The following NEK11 variants were observed in gnomAD, a reference collection of about 807,000 sequenced individuals.
NEK11 encodes NIMA related kinase 11.
NEK11 carries 72 observed loss-of-function variants against 80.7 expected under a neutral mutation model. The observed-to-expected ratio is 0.89, with a 90% CI of 0.74 to 1.08. The LOEUF is 1.08. Among genes scored for constraint, NEK11 ranks in the 50% least tolerant of loss-of-function variants. The pLI is 0.00. For missense variants in NEK11, 764 were observed against 763.6 expected, an observed-to-expected ratio of 1.00 and a Z score of -0.01; for synonymous variants, 251 against 260.7, an observed-to-expected ratio of 0.96 and a Z score of 0.36.
chr3:131,315,142 A>C (rs906166537), intron 17 of NEK11, among the ~76,000 whole-genome samples: 4 of 152,276 alleles, frequency 2.6e-5, no homozygotes, highest in Admixed American at 2.0e-4. Context: ...AAAGTACCTA[A>C]AATATACTAT....
At chr3:131,063,876 C>A (rs1284327755) in intron 3 of NEK11, among the ~76,000 whole-genome samples, 1 of 152,064 alleles carries the variant, frequency 6.6e-6, no homozygotes, top group African/African-American at 2.4e-5. Context: ...ACCTTGTACA[C>A]AAATGTTTAC....
intron 3 of NEK11, among the ~76,000 whole-genome samples, chr3:131,055,668 T>G (rs2069334601): frequency 1.3e-5 from 2 of 152,130 alleles, no homozygotes; most frequent in Non-Finnish European, 1.5e-5. Context: ...AGTTTGAGGC[T>G]ACAGCAAACT....
At chr3:131,262,378 T>G (rs921333045) in intron 16 of NEK11, among the ~76,000 whole-genome samples, 2 of 152,114 alleles carry the variant, frequency 1.3e-5, no homozygotes, top group Non-Finnish European at 2.9e-5. Flanking sequence ...ACAAATAATT[T>G]TTTTAACAAA....
At chr3:131,319,057 CT>C (rs557461903) in intron 17 of NEK11, among the ~76,000 whole-genome samples, 2 of 151,662 alleles carry the variant, frequency 1.3e-5, no homozygotes, top group South Asian at 4.2e-4. Context: ...TTGACATAAA[CT>C]TTTTTTTACC....
rs1244060052 is a variant in NEK11, at chr3:131,315,885, T to C, written c.1719-33672T>C. ...TTCATATCCCTGCAAAGGACATGATTTCATTCCTTCTTATGGCTGCATAGT... is the reference window on the plus strand; with the variant it reads ...TTCATATCCCTGCAAAGGACATGATCTCATTCCTTCTTATGGCTGCATAGT... On this transcript the variant is annotated intron_variant, in intron 17 of 17. Transcript: ENST00000383366. Among the ~76,000 whole-genome samples the C allele has an allele frequency of 2.0e-5, 3 of 152,138 alleles. No homozygotes were observed. In the East Asian group the frequency reaches 5.8e-4, roughly 29 times the overall value.
intron 17 of NEK11, among the ~76,000 whole-genome samples, chr3:131,297,676 C>A: frequency 6.6e-6 from 1 of 151,958 alleles, no homozygotes; most frequent in Non-Finnish European, 1.5e-5. Context: ...AATGAGATCC[C>A]ATTTGTCAAT....
At chr3:131,185,229 T>A (rs2093550409) in intron 14 of NEK11, among the ~76,000 whole-genome samples, 1 of 152,170 alleles carries the variant, frequency 6.6e-6, no homozygotes, top group Admixed American at 6.6e-5. Flanking sequence ...CTGGATCCTC[T>A]GGAAAGCAGA....
chr3:131,066,855 A>AAG (rs1553839726), intron 3 of NEK11, among the ~76,000 whole-genome samples: 4 of 148,164 alleles, frequency 2.7e-5, no homozygotes, highest in Non-Finnish European at 6.0e-5. Context: ...AAAAAAAAAA[A>AAG]AAAGAAAAGA....
chr3:131,293,588 G>GTTTTTTTTTTTTTTTTTTTTTTTTTTTT (rs2096565945), intron 17 of NEK11, among the ~76,000 whole-genome samples: 1 of 150,894 alleles, frequency 6.6e-6, no homozygotes, highest in African/African-American at 2.5e-5. Flanking sequence ...TTTTATTTTG[G>GTTTTTTTTTTTTTTTTTTTTTTTTTTTT]TTTAGGTTGA....
intron 14 of NEK11, among the ~76,000 whole-genome samples, chr3:131,205,392 A>G (rs1229791225): frequency 4.6e-5 from 7 of 152,174 alleles, no homozygotes; most frequent in Non-Finnish European, 1.5e-5. Flanking sequence ...GGAACCACAA[A>G]CAGGTAGAGC....
intron 14 of NEK11, among the ~76,000 whole-genome samples, chr3:131,191,155 A>C (rs2093778780): frequency 6.6e-6 from 1 of 152,196 alleles, no homozygotes; most frequent in Non-Finnish European, 1.5e-5. Context: ...AAATACATTT[A>C]ATACCTAGAA....
chr3:131,159,585 G>C (rs1471875756), intron 10 of NEK11, among the ~76,000 whole-genome samples: 1 of 152,246 alleles, frequency 6.6e-6, no homozygotes, highest in Non-Finnish European at 1.5e-5. Context: ...GGCCAACATG[G>C]GGAAACCCCA....
intron 14 of NEK11, among the ~76,000 whole-genome samples, chr3:131,196,395 T>C (rs1447885780): frequency 6.6e-6 from 1 of 152,128 alleles, no homozygotes; most frequent in Admixed American, 6.6e-5. Context: ...ATTTAAGATA[T>C]GAAACAAATA....
Position 131,262,999 on chromosome 3 carries a change from G to T in NEK11, c.1622-10479G>T, listed in dbSNP as rs796975016. Among the ~76,000 whole-genome samples, 3 of 152,132 alleles carry T rather than the reference G, an allele frequency of 2.0e-5. No individual in the cohort carries two copies. In the South Asian group the frequency reaches 6.2e-4, roughly 32 times the overall value. ...CCCTGCAGAGGAAATGAACTCATCC[G>T]TTTTTATGGCTCCATAGTATTCCAT... On this transcript the variant is annotated intron_variant, in intron 16 of 17. Transcript: ENST00000383366.
rs756614590 is a variant in NEK11, at chr3:131,168,930, G to A, written c.1277G>A (p.Arg426Lys). ...QDEDEERWQG[R>K]EEESDEPTLE... ...GAGGATGAAGAGAGGTGGCAAGGCA[G>A]GGAAGAGGCAAGTTTAATCATATTC... Residue 426 changes from arginine (R) to lysine (K), a missense_variant, in exon 13 of 18, where the codon AGG becomes AAG. Arg to Lys is a conservative substitution (Grantham distance 26). Coordinates refer to ENST00000383366, the MANE Select transcript of NEK11 (RefSeq NM_024800.5). 9 of 1,613,312 alleles carry A rather than the reference G, an allele frequency of 5.6e-6. No individual in the cohort carries two copies. The South Asian group carries it at 8.8e-5, about 16-fold the overall frequency.
At chr3:131,324,930 T>A (rs1259432994) in intron 17 of NEK11, among the ~76,000 whole-genome samples, 1 of 152,222 alleles carries the variant, frequency 6.6e-6, no homozygotes, top group Non-Finnish European at 1.5e-5. Context: ...TCTGTCCCTC[T>A]CTGGATTGTG....
At chr3:131,338,211 G>C (rs2097220686) in intron 17 of NEK11, among the ~76,000 whole-genome samples, 1 of 150,368 alleles carries the variant, frequency 6.7e-6, no homozygotes, top group South Asian at 2.1e-4. Context: ...GTGATCCACT[G>C]GCCTCGGCCT....
chr3:131,308,265 G>T (rs1005114570), intron 17 of NEK11, among the ~76,000 whole-genome samples: 2 of 152,154 alleles, frequency 1.3e-5, no homozygotes, highest in Non-Finnish European at 2.9e-5. Flanking sequence ...CTTTAGTAAG[G>T]GGTTCTGCTG....
At chr3:131,348,871 G>A (rs1437363246) in intron 17 of NEK11, among the ~76,000 whole-genome samples, 5 of 152,088 alleles carry the variant, frequency 3.3e-5, no homozygotes, top group Admixed American at 2.0e-4. Context: ...TAAAGGTTAA[G>A]TGTGATTGAA....
Sources: allele counts gnomAD v4.1 joint callset (sites outside exome capture counted in the v4.1 genomes callset), GRCh38; gene constraint gnomAD v4.1.1; transcripts MANE v1.5; gene names NCBI Gene and HGNC (gene_info 2026-07-23, HGNC 2026-07-21).